Variants in KIF18A observed in about 807,000 individuals in gnomAD.
KIF18A encodes kinesin-like protein KIF18A.
A neutral mutation model predicts 103.3 loss-of-function variants in KIF18A; 67 were observed. The observed-to-expected ratio is 0.65, with a 90% CI of 0.53 to 0.79. The LOEUF is 0.79. Among genes scored for constraint, KIF18A ranks in the 30% least tolerant of loss-of-function variants. The pLI is 0.00. For missense variants in KIF18A, 1,032 were observed against 1,062.5 expected, an observed-to-expected ratio of 0.97 and a Z score of 0.40; for synonymous variants, 367 against 355.5, an observed-to-expected ratio of 1.03 and a Z score of -0.36.
In KIF18A at chr11:28,084,753, T is replaced by C. The variant is rs1445195607; in HGVS notation, c.953A>G (p.Asp318Gly). 3.1e-6 allele frequency: 5 copies of C among 1,613,218 alleles called. No individual in the cohort carries two copies. The highest frequency in any genetic ancestry group is 4.5e-5 in the East Asian group (2 of 44,832). ...RNSKLTRLLK[D>G]SLGGNCQTIM... ...AGTTTGACAGTTTCCTCCAAGAGAA[T>C]CCTTTAACAAGCGAGTAAGCTTACT... is the stretch of plus-strand genomic sequence containing the variant. The change falls in exon 7 of 17, where the codon GAT (aspartate) becomes GGT (glycine). Residue 318 changes from aspartate to glycine, a missense_variant. Transcript: ENST00000263181.
chr11:28,052,811 T>A (rs951897883), intron 13 of KIF18A, among the ~76,000 whole-genome samples: 3 of 151,922 alleles, frequency 2.0e-5, no homozygotes, highest in Admixed American at 2.0e-4. Context: ...CACTGTTGAA[T>A]GAATGAAAAA....
Position 28,097,863 on chromosome 11 carries a change from C to T in KIF18A, c.85G>A (p.Gly29Arg). Reference protein sequence around the residue: ...RPENTKEKAAGFHKVVHVVDK... With the variant: ...RPENTKEKAARFHKVVHVVDK... ...ACAACATGAACCACTTTATGAAATC[C>T]AGCTGCTTTTTCTTTAGTGTTTTCC... Residue 29 changes from glycine to arginine, a missense_variant, in exon 2 of 17, where the codon GGA (glycine) becomes AGA (arginine). By Grantham distance (125) the Gly-to-Arg change is moderately radical. Transcript: ENST00000263181. The T allele has an allele frequency of 6.2e-7, 1 of 1,611,738 alleles. No homozygotes were observed. Among genetic ancestry groups the T allele is most frequent in the Non-Finnish European group, 8.5e-7 (1 of 1,179,270 alleles).
chr11:28,107,475 T>A (rs1851544328), intron 1 of KIF18A, among the ~76,000 whole-genome samples: 1 of 152,124 alleles, frequency 6.6e-6, no homozygotes, highest in African/African-American at 2.4e-5. Context: ...TGCCAAACAG[T>A]ATCTCTTCCG....
chr11:28,023,424 T>A (rs1850271201), intron 16 of KIF18A, among the ~76,000 whole-genome samples: 1 of 152,170 alleles, frequency 6.6e-6, no homozygotes, highest in Non-Finnish European at 1.5e-5. Context: ...TTAGTAACAT[T>A]AAGTAATACA....
intron 13 of KIF18A, among the ~76,000 whole-genome samples, chr11:28,052,361 C>G (rs542259207): frequency 1.3e-5 from 2 of 152,202 alleles, no homozygotes; most frequent in South Asian, 4.1e-4. Context: ...ATCTGCCTTC[C>G]TTCCCTTTAT....
chr11:28,101,904 G>A (rs933066425), intron 1 of KIF18A, among the ~76,000 whole-genome samples: 1 of 152,062 alleles, frequency 6.6e-6, no homozygotes, highest in African/African-American at 2.4e-5. Context: ...TAAGGGGTCT[G>A]GGGAGTCACG....
chr11:28,063,195 T>C (rs1468310267), intron 11 of KIF18A, among the ~76,000 whole-genome samples: 1 of 152,080 alleles, frequency 6.6e-6, no homozygotes. Context: ...TTGAAACAAA[T>C]GCTACCTTAA....
chr11:28,024,761 T>C (rs1307276324), intron 15 of KIF18A, among the ~76,000 whole-genome samples: 1 of 151,702 alleles, frequency 6.6e-6, no homozygotes, highest in Non-Finnish European at 1.5e-5. Context: ...ACAGGTAGGA[T>C]TGGGGGGGGT....
intron 10 of KIF18A, among the ~76,000 whole-genome samples, chr11:28,074,788 G>A (rs1851068309): frequency 6.6e-6 from 1 of 152,050 alleles, no homozygotes; most frequent in Non-Finnish European, 1.5e-5. Context: ...GTTTGGGGTG[G>A]TAGTTTGAGA....
At chr11:28,035,330 T>A in intron 15 of KIF18A, 57 bp downstream of exon 15, 2 of 818,242 alleles carry the variant, frequency 2.4e-6, no homozygotes, top group Non-Finnish European at 3.8e-6. Context: ...TAGCATATAA[T>A]ATATAAAGAT....
At chr11:28,058,841 A>G in intron 13 of KIF18A, 85 bp downstream of exon 13, 1 of 1,007,028 alleles carries the variant, frequency 9.9e-7, no homozygotes, top group Non-Finnish European at 1.5e-6. Flanking sequence ...CAAACCTATT[A>G]AAATTAACTG....
intron 13 of KIF18A, among the ~76,000 whole-genome samples, chr11:28,055,417 C>A (rs1473907258): frequency 6.6e-6 from 1 of 152,162 alleles, no homozygotes; most frequent in Non-Finnish European, 1.5e-5. Context: ...GTAATTTCTG[C>A]AATTTCAGCT....
intron 1 of KIF18A, among the ~76,000 whole-genome samples, chr11:28,104,248 C>A (rs1590716833): frequency 6.6e-6 from 1 of 152,288 alleles, no homozygotes; most frequent in Middle Eastern, 3.4e-3. Context: ...CTGCTCCAAA[C>A]TATCCAATGA....
intron 10 of KIF18A, among the ~76,000 whole-genome samples, chr11:28,072,432 G>C (rs990757065): frequency 5.3e-5 from 8 of 152,108 alleles, no homozygotes; most frequent in Non-Finnish European, 1.2e-4. Context: ...GATGTTATGA[G>C]ATTCTTTCAG....
At chr11:28,077,224 A>C (rs1376880251) in intron 9 of KIF18A, 55 bp from the exon 10 acceptor site, 2 of 1,292,214 alleles carry the variant, frequency 1.5e-6, no homozygotes, top group South Asian at 1.4e-5. Context: ...CAAATCATAC[A>C]AAGTTTACTT....
intron 9 of KIF18A, among the ~76,000 whole-genome samples, 158 bp from the exon 10 acceptor site, chr11:28,077,327 TA>T (rs1041680790): frequency 2.0e-5 from 3 of 152,202 alleles, no homozygotes; most frequent in Non-Finnish European, 4.4e-5. Flanking sequence ...TTTCCTATTA[TA>T]AAAAATGTTT....
At chr11:28,098,880 A>G (rs1212809372) in intron 1 of KIF18A, among the ~76,000 whole-genome samples, 4 of 111,356 alleles carry the variant, frequency 3.6e-5, no homozygotes, top group East Asian at 3.8e-4. Context: ...ACAAAAAGAC[A>G]AAAAAAAACC....
At chr11:28,091,212 T>TA (rs1851299761) in intron 4 of KIF18A, among the ~76,000 whole-genome samples, 197 bp downstream of exon 4, 1 of 151,904 alleles carries the variant, frequency 6.6e-6, no homozygotes, top group Non-Finnish European at 1.5e-5. Flanking sequence ...AAATAAAATT[T>TA]AAAAAATGTT....
intron 15 of KIF18A, among the ~76,000 whole-genome samples, chr11:28,028,906 T>C (rs377215629): frequency 2.0e-5 from 3 of 151,960 alleles, no homozygotes; most frequent in Admixed American, 6.6e-5. Context: ...AACACCTCTA[T>C]GCAAATAAAC....
Sources: gnomAD v4.1 joint callset for allele counts (sites outside exome capture counted in the v4.1 genomes callset) on GRCh38, gnomAD v4.1.1 for gene constraint, MANE v1.5 for transcripts, NCBI Gene and HGNC (gene_info 2026-07-23, HGNC 2026-07-21) for gene names.